Variants in NAPB observed in about 807,000 individuals in gnomAD.
The protein encoded by NAPB is beta-soluble NSF attachment protein.
NAPB carries 26 observed loss-of-function variants against 44.7 expected under a neutral mutation model. That is an observed-to-expected ratio of 0.58 (90% CI 0.43 to 0.81). NAPB has a LOEUF of 0.81. NAPB is among the 30% of genes least tolerant of loss of function. The pLI is 0.00. For synonymous variants in NAPB, 120 were observed against 116.8 expected (o/e 1.03, Z -0.18); for missense variants, 315 against 356.4 (o/e 0.88, Z 0.94).
chr20:23,397,061 G>C lies in NAPB; in HGVS notation c.295+11C>G, dbSNP rs185133888. ...CACAGAGATAGCATGCTACATGCCT[G>C]GCTGTCTTACCTTGGGGATCTGCCT... On this transcript the variant is annotated intron_variant, in intron 3 of 10. Transcript: ENST00000377026. 3.3e-4 allele frequency: 533 copies of C among 1,611,392 alleles called. 3 individuals carry two copies. The highest frequency in any genetic ancestry group is 2.5e-3 in the Middle Eastern group (15 of 6,042).
intron 7 of NAPB, among the ~76,000 whole-genome samples, chr20:23,386,740 C>T (rs1350472504): frequency 6.6e-6 from 1 of 152,166 alleles, no homozygotes; most frequent in Non-Finnish European, 1.5e-5. Flanking sequence ...CACTGAGAGC[C>T]GACAACTGAA....
Position 23,377,493 on chromosome 20 carries a change from T to C in NAPB, c.787-7A>G. 2 of 1,574,702 alleles carry C rather than the reference T, an allele frequency of 1.3e-6. No homozygotes were observed. Among genetic ancestry groups the C allele is most frequent in the Non-Finnish European group, 1.7e-6 (2 of 1,151,136 alleles). ...TTGAGTCAAATTCCTTCACCTAGTA[T>C]AAGGAAAGAGGAACAGGAATTACCC... is the stretch of plus-strand genomic sequence containing the variant. On this transcript the variant is annotated splice_region_variant and splice_polypyrimidine_tract_variant and intron_variant, in intron 10 of 10. Transcript: ENST00000377026.
At chr20:23,380,016 TCTAC>T in intron 8 of NAPB, 81 bp from the exon 9 acceptor site, 1 of 1,084,174 alleles carries the variant, frequency 9.2e-7, no homozygotes. Context: ...TCAAATAAGA[TCTAC>T]CTATATCCTA....
intron 1 of NAPB, among the ~76,000 whole-genome samples, chr20:23,413,198 C>T (rs1373108233): frequency 2.0e-5 from 3 of 150,392 alleles, no homozygotes; most frequent in Non-Finnish European, 3.0e-5. Flanking sequence ...TAAGTGGCAA[C>T]GAAAATCTCA....
intron 7 of NAPB, among the ~76,000 whole-genome samples, chr20:23,388,288 C>T (rs1983681958): frequency 6.6e-6 from 1 of 151,966 alleles, no homozygotes; most frequent in Admixed American, 6.6e-5. Flanking sequence ...CACATACACC[C>T]CTACACCTCT....
chr20:23,409,209 C>G (rs2123243441), intron 1 of NAPB, among the ~76,000 whole-genome samples: 1 of 152,316 alleles, frequency 6.6e-6, no homozygotes, highest in Non-Finnish European at 1.5e-5. Flanking sequence ...TCTCAGTGGC[C>G]TTGAGCTTTT....
intron 7 of NAPB, among the ~76,000 whole-genome samples, chr20:23,384,964 C>G (rs55851398): frequency 0.076 from 11,539 of 152,000 alleles, 665 homozygotes; most frequent in East Asian, 0.3. Flanking sequence ...ACTAAAAATA[C>G]AAAAATTAGC....
chr20:23,383,443 G>A (rs759264043), intron 7 of NAPB, among the ~76,000 whole-genome samples: 18 of 151,914 alleles, frequency 1.2e-4, no homozygotes, highest in Non-Finnish European at 2.2e-4. Context: ...CCGACTAGGC[G>A]TTGTGGCTCA....
intron 2 of NAPB, among the ~76,000 whole-genome samples, chr20:23,401,473 AC>A (rs1984839472): frequency 6.6e-6 from 1 of 152,184 alleles, no homozygotes; most frequent in African/African-American, 2.4e-5. Flanking sequence ...ACCCCAGGCA[AC>A]AGATGACGCG....
chr20:23,420,583 C>T (rs1443227572), intron 1 of NAPB, among the ~76,000 whole-genome samples: 2 of 152,046 alleles, frequency 1.3e-5, no homozygotes, highest in African/African-American at 2.4e-5. Flanking sequence ...TCCACCCCGG[C>T]GCGCCTCACC....
Position 23,377,444 on chromosome 20 carries a change from T to G in NAPB, c.829A>C (p.Thr277Pro). ...DSISRLDQWL[T>P]TMLLRIKKSI... ...TTTTTGATGCGAAGCAACATGGTGG[T>G]CAGCCACTGATCCAAGCGAGATATT... Residue 277 changes from threonine (T) to proline (P), a missense_variant, in exon 11 of 11, where the codon ACC (threonine) becomes CCC (proline). Thr to Pro is a conservative substitution (Grantham distance 38, BLOSUM62 -1). Transcript: ENST00000377026. The G allele has an allele frequency of 6.2e-7, 1 of 1,607,794 alleles. No individual in the cohort carries two copies. Among genetic ancestry groups the G allele is most frequent in the African/African-American group, 1.3e-5 (1 of 74,986 alleles).
rs1312982740 is a variant in NAPB, at chr20:23,374,839, TA to T, written c.*2536del. On this transcript the variant is annotated 3_prime_UTR_variant, in exon 11 of 11. Coordinates refer to ENST00000377026, the MANE Select transcript of NAPB (RefSeq NM_022080.3). ...AAAATACTGCTTTCAAATCATTAAATAAAAAAGAACTCACACAAGCTATAAA... is the reference window on the plus strand; with the variant it reads ...AAAATACTGCTTTCAAATCATTAAATAAAAAGAACTCACACAAGCTATAAA... 1 of 152,264 alleles carries T rather than the reference TA, an allele frequency of 6.6e-6. No individual in the cohort carries two copies. Among genetic ancestry groups the T allele is most frequent in the Non-Finnish European group, 1.5e-5 (1 of 67,990 alleles). The allele number at this position is 152,264 out of a possible 1,614,324, so 9.4% of individuals were successfully genotyped here.
At chr20:23,406,731 A>C (rs1985284217) in intron 1 of NAPB, among the ~76,000 whole-genome samples, 2 of 152,204 alleles carry the variant, frequency 1.3e-5, no homozygotes, top group South Asian at 4.1e-4. Context: ...CCTTGGCGTA[A>C]AGTCTTGCTA....
At chr20:23,388,369 T>C (rs1164377804) in intron 7 of NAPB, among the ~76,000 whole-genome samples, 2 of 152,080 alleles carry the variant, frequency 1.3e-5, no homozygotes, top group South Asian at 2.1e-4. Flanking sequence ...ACAATCCCTA[T>C]CAAAATCCAA....
chr20:23,383,441 G>A (rs1400944725), intron 7 of NAPB, among the ~76,000 whole-genome samples: 1 of 152,134 alleles, frequency 6.6e-6, no homozygotes, highest in African/African-American at 2.4e-5. Flanking sequence ...GGCCGACTAG[G>A]CGTTGTGGCT....
intron 1 of NAPB, among the ~76,000 whole-genome samples, chr20:23,408,514 T>C (rs1010514337): frequency 6.6e-6 from 1 of 152,236 alleles, no homozygotes; most frequent in Admixed American, 6.5e-5. Context: ...ACACAACTAC[T>C]CTGTGATATT....
chr20:23,416,193 C>G (rs2123268342), intron 1 of NAPB, among the ~76,000 whole-genome samples: 1 of 152,230 alleles, frequency 6.6e-6, no homozygotes, highest in South Asian at 2.1e-4. Flanking sequence ...TCCAAGGAGC[C>G]ACATATGATT....
In NAPB at chr20:23,407,698, C is replaced by T. The variant is rs554014390; in HGVS notation, c.99-4626G>A. On this transcript the variant is annotated intron_variant, in intron 1 of 10. Coordinates refer to ENST00000377026, the MANE Select transcript of NAPB (RefSeq NM_022080.3). ...TCTTGCCCACAAGGAGGTCACGACACTGAGGAAAGAATATCAAGCTTCACG... is the reference window on the plus strand; with the variant it reads ...TCTTGCCCACAAGGAGGTCACGACATTGAGGAAAGAATATCAAGCTTCACG... 4.6e-5 allele frequency among the ~76,000 whole-genome samples: 7 copies of T among 152,146 alleles called. No individual in the cohort carries two copies. In the East Asian group the frequency reaches 1.4e-3, roughly 29 times the overall value.
chr20:23,414,630 A>G lies in NAPB; in HGVS notation c.98+6675T>C, dbSNP rs561091856. Among the ~76,000 whole-genome samples, 54 of 152,340 alleles carry G rather than the reference A, an allele frequency of 3.5e-4. 1 individual carries two copies. The highest frequency in any genetic ancestry group is 6.5e-4 in the Non-Finnish European group (44 of 68,026). ...GACTTATTAGATTTTGTTATTACTT[A>G]TAAGTTCCACTTAAATACAGAAATA... is the stretch of plus-strand genomic sequence containing the variant. On this transcript the variant is annotated intron_variant, in intron 1 of 10. Transcript: ENST00000377026.
Sources: allele counts gnomAD v4.1 joint callset (sites outside exome capture counted in the v4.1 genomes callset), GRCh38; gene constraint gnomAD v4.1.1; transcripts MANE v1.5; gene names NCBI Gene and HGNC (gene_info 2026-07-23, HGNC 2026-07-21).